The following TIAM1 variants were observed in gnomAD, a reference collection of about 807,000 sequenced individuals.
The protein encoded by TIAM1 is rho guanine nucleotide exchange factor TIAM1.
Under a neutral mutation model 163.5 loss-of-function variants are expected in TIAM1, and 65 were observed. The ratio of observed to expected loss-of-function variants is 0.40; its 90% confidence interval spans 0.33 to 0.49. The LOEUF is 0.49. Among genes scored for constraint, TIAM1 ranks in the 20% least tolerant of loss-of-function variants. The pLI is 0.77. For synonymous variants in TIAM1, 833 were observed against 810.1 expected (o/e 1.03, Z -0.48); for missense variants, 1,789 against 2,044.7 (o/e 0.87, Z 2.41).
chr21:31,191,114 G>A (rs2146478193), intron 13 of TIAM1, among the ~76,000 whole-genome samples: 1 of 152,256 alleles, frequency 6.6e-6, no homozygotes, highest in Non-Finnish European at 1.5e-5. Flanking sequence ...CGAGCACGGA[G>A]AAGAAATGAT....
At chr21:31,425,212 G>A (rs2043741474) in intron 2 of TIAM1, among the ~76,000 whole-genome samples, 1 of 152,118 alleles carries the variant, frequency 6.6e-6, no homozygotes, top group Non-Finnish European at 1.5e-5. Context: ...CGGACCCAGT[G>A]GAATGCACAG....
In TIAM1 at chr21:31,266,001, TC is replaced by T; in HGVS notation, c.963+8del. 6.2e-7 allele frequency: 1 copy of T among 1,608,490 alleles called. No homozygotes were observed. Among genetic ancestry groups the T allele is most frequent in the Non-Finnish European group, 8.5e-7 (1 of 1,176,492 alleles). On this transcript the variant is annotated splice_region_variant and intron_variant, in intron 4 of 27. Transcript: ENST00000541036. ...CCCAAAATATTGAAACAAATTTCAA[TC>T]ACTTTACCTGAGTTGTTTTAGCTCT... is the stretch of plus-strand genomic sequence containing the variant.
At chr21:31,231,533 T>C (rs960841707) in intron 6 of TIAM1, among the ~76,000 whole-genome samples, 1 of 152,172 alleles carries the variant, frequency 6.6e-6, no homozygotes, top group African/African-American at 2.4e-5. Flanking sequence ...CACGTTTGTC[T>C]TCCACGTAAG....
intron 1 of TIAM1, among the ~76,000 whole-genome samples, chr21:31,550,689 C>T (rs2048654895): frequency 1.3e-5 from 2 of 152,138 alleles, no homozygotes; most frequent in Admixed American, 1.3e-4. Flanking sequence ...ACCTAGAAGA[C>T]TTAATCATGA....
intron 5 of TIAM1, among the ~76,000 whole-genome samples, chr21:31,246,582 A>C (rs1009128157): frequency 3.3e-5 from 5 of 152,178 alleles, no homozygotes; most frequent in African/African-American, 1.2e-4. Flanking sequence ...AACAAGTGCC[A>C]CACTTCCTGT....
intron 2 of TIAM1, among the ~76,000 whole-genome samples, chr21:31,289,213 G>A (rs2073924284): frequency 6.6e-6 from 1 of 152,170 alleles, no homozygotes. Flanking sequence ...TGAGTGACCA[G>A]ACCAGCAAAG....
intron 2 of TIAM1, among the ~76,000 whole-genome samples, chr21:31,375,825 G>A (rs1455650605): frequency 2.6e-5 from 4 of 151,912 alleles, no homozygotes; most frequent in South Asian, 2.1e-4. Context: ...TCAGGAGTTC[G>A]AGACCAGCCT....
chr21:31,325,046 G>A (rs1308459292), intron 2 of TIAM1, among the ~76,000 whole-genome samples: 1 of 151,904 alleles, frequency 6.6e-6, no homozygotes, highest in South Asian at 2.1e-4. Flanking sequence ...TTGGGAGGCC[G>A]AGGCAGGCAG....
intron 25 of TIAM1, among the ~76,000 whole-genome samples, chr21:31,129,631 G>A (rs2082333418): frequency 6.6e-6 from 1 of 152,160 alleles, no homozygotes; most frequent in Admixed American, 6.5e-5. Flanking sequence ...TAGCACCACT[G>A]CTCTCCAGCC....
chr21:31,238,315 T>C (rs994444062), intron 6 of TIAM1, among the ~76,000 whole-genome samples: 4 of 152,238 alleles, frequency 2.6e-5, no homozygotes, highest in African/African-American at 9.6e-5. Flanking sequence ...AATGCCTTCA[T>C]GGTATCCAAA....
At position 31,213,073 on chromosome 21, in the gene TIAM1, T is replaced by A. The variant is rs528265443; in HGVS notation, c.2217+325A>T. 3 of 259,122 alleles carry A rather than the reference T, an allele frequency of 1.2e-5. No individual in the cohort carries two copies. In the Admixed American group the frequency reaches 1.5e-4, roughly 13 times the overall value. 16.1% of individuals were successfully genotyped at this position (259,122 alleles called of 1,614,324 possible). On this transcript the variant is annotated intron_variant, in intron 10 of 27. Transcript: ENST00000541036. ...GAACACACCTCTTGGGAAGAGAAGT[T>A]GTACATGGAAAGAAATTGGCAATGG...
At chr21:31,307,637 C>G (rs1242374326) in intron 2 of TIAM1, among the ~76,000 whole-genome samples, 1 of 152,108 alleles carries the variant, frequency 6.6e-6, no homozygotes. Context: ...TCAACCCCAC[C>G]AGCATTTAAT....
At chr21:31,397,058 C>T (rs1338329376) in intron 2 of TIAM1, among the ~76,000 whole-genome samples, 2 of 152,060 alleles carry the variant, frequency 1.3e-5, no homozygotes, top group South Asian at 2.1e-4. Context: ...TGTATTTAAG[C>T]GAACAACATT....
chr21:31,472,947 A>G (rs1041049944), intron 1 of TIAM1, among the ~76,000 whole-genome samples: 4 of 152,092 alleles, frequency 2.6e-5, no homozygotes, highest in African/African-American at 9.7e-5. Flanking sequence ...AAGTCTTCGC[A>G]CTCCAGTCAA....
rs576262405 is a variant in TIAM1, at chr21:31,454,665, A to T, written c.-369+9318T>A. 1.8e-4 allele frequency among the ~76,000 whole-genome samples: 27 copies of T among 152,318 alleles called. No homozygotes were observed. The East Asian group carries it at 5.2e-3, about 29-fold the overall frequency. Reference sequence around the variant, plus strand: ...AGCCAGGACATAGAGATTGGTTACAAACATGCCAGTTGACCAAATAAGTAA... The same window carrying T: ...AGCCAGGACATAGAGATTGGTTACATACATGCCAGTTGACCAAATAAGTAA... On this transcript the variant is annotated intron_variant, in intron 2 of 28. Transcript: ENST00000286827.
chr21:31,370,720 G>A (rs982669613), intron 2 of TIAM1, among the ~76,000 whole-genome samples: 1 of 152,202 alleles, frequency 6.6e-6, no homozygotes, highest in African/African-American at 2.4e-5. Flanking sequence ...CTGAGGGTGT[G>A]TGTGGCCTGC....
intron 1 of TIAM1, among the ~76,000 whole-genome samples, chr21:31,468,642 G>A (rs1421266562): frequency 1.3e-5 from 2 of 152,100 alleles, no homozygotes; most frequent in Non-Finnish European, 2.9e-5. Flanking sequence ...CAGGCGTGGT[G>A]TCGGGTGCCT....
intron 1 of TIAM1, among the ~76,000 whole-genome samples, chr21:31,524,782 G>A (rs1025675459): frequency 6.6e-6 from 1 of 152,140 alleles, no homozygotes; most frequent in African/African-American, 2.4e-5. Flanking sequence ...CATTTAGTGT[G>A]TGCCTTGTAC....
At chr21:31,511,995 GGC>G (rs1442658109) in intron 1 of TIAM1, among the ~76,000 whole-genome samples, 1 of 152,142 alleles carries the variant, frequency 6.6e-6, no homozygotes, top group African/African-American at 2.4e-5. Flanking sequence ...CACAGCCCGT[GGC>G]AAACTCCTGG....
Sources: gnomAD v4.1 joint callset for allele counts (sites outside exome capture counted in the v4.1 genomes callset) on GRCh38, gnomAD v4.1.1 for gene constraint, MANE v1.5 for transcripts, NCBI Gene and HGNC (gene_info 2026-07-23, HGNC 2026-07-21) for gene names.